VWC2L: variants seen among roughly 807,000 people sequenced by gnomAD.
VWC2L encodes von Willebrand factor C domain containing 2 like.
A neutral mutation model predicts 21.6 loss-of-function variants in VWC2L; 10 were observed. The ratio of observed to expected loss-of-function variants is 0.46; its 90% confidence interval spans 0.29 to 0.78. The LOEUF is 0.78. VWC2L is among the 30% of genes least tolerant of loss of function. The pLI is 0.10. For synonymous variants in VWC2L, 96 were observed against 94.3 expected, an observed-to-expected ratio of 1.02 and a Z score of -0.10; for missense variants, 209 against 277.1, an observed-to-expected ratio of 0.75 and a Z score of 1.74.
At chr2:214,503,576 T>A (rs753651170) in intron 3 of VWC2L, among the ~76,000 whole-genome samples, 1 of 152,186 alleles carries the variant, frequency 6.6e-6, no homozygotes, top group Non-Finnish European at 1.5e-5. Context: ...TTTCCGGGGA[T>A]ACTTTTTTGT....
rs190790626 is a variant in VWC2L at position 214,499,664 on chromosome 2, A to T, written c.520+62906A>T. ...CTTAAAGTATGATTTAAAAAATTTT[A>T]AAAAAAGAAGTTTAACAGTCTATTT... On this transcript the variant is annotated intron_variant, in intron 3 of 3. Transcript: ENST00000312504. Among the ~76,000 whole-genome samples, 31 of 152,336 alleles carry T rather than the reference A, an allele frequency of 2.0e-4. No individual in the cohort carries two copies. The East Asian group carries it at 4.6e-3, about 23-fold the overall frequency.
intron 3 of VWC2L, among the ~76,000 whole-genome samples, chr2:214,444,404 A>T (rs1448027158): frequency 6.6e-6 from 1 of 152,046 alleles, no homozygotes; most frequent in Non-Finnish European, 1.5e-5. Flanking sequence ...CATATTTTAC[A>T]AAAGCCACAA....
At chr2:214,504,920 A>T (rs1688946686) in intron 3 of VWC2L, among the ~76,000 whole-genome samples, 2 of 152,204 alleles carry the variant, frequency 1.3e-5, no homozygotes, top group African/African-American at 2.4e-5. Context: ...CCAGCACATC[A>T]TTTAGTTCAT....
intron 3 of VWC2L, chr2:214,525,045 A>T (rs1344290641): frequency 1.9e-3 from 4 of 2,154 alleles, no homozygotes; most frequent in South Asian, 0.022. Flanking sequence ...TCTCTGCCTC[A>T]CACACACACA....
chr2:214,460,544 C>T (rs1703124769), intron 3 of VWC2L, among the ~76,000 whole-genome samples: 1 of 151,846 alleles, frequency 6.6e-6, no homozygotes, highest in African/African-American at 2.4e-5. Context: ...TTTTTTTCTG[C>T]TTGATCTAGC....
At chr2:214,506,602 T>C (rs939508006) in intron 3 of VWC2L, among the ~76,000 whole-genome samples, 8 of 152,300 alleles carry the variant, frequency 5.3e-5, no homozygotes, top group Non-Finnish European at 1.2e-4. Context: ...TATATAAATT[T>C]ACTTCTCAAT....
At chr2:214,434,578 T>C (rs956834597) in intron 2 of VWC2L, among the ~76,000 whole-genome samples, 5 of 152,140 alleles carry the variant, frequency 3.3e-5, no homozygotes, top group Admixed American at 1.3e-4. Flanking sequence ...CTTACTACCA[T>C]AGGCCCTGGG....
At chr2:214,416,976 T>C (rs1471037439) in intron 2 of VWC2L, among the ~76,000 whole-genome samples, 1 of 152,122 alleles carries the variant, frequency 6.6e-6, no homozygotes, top group Non-Finnish European at 1.5e-5. Flanking sequence ...ATAATGAAAG[T>C]TCAACTTTAA....
intron 3 of VWC2L, among the ~76,000 whole-genome samples, chr2:214,539,413 G>GT (rs1396630543): frequency 2.6e-5 from 4 of 152,104 alleles, no homozygotes; most frequent in African/African-American, 9.7e-5. Flanking sequence ...TTGACTGTCA[G>GT]TATAGTTATC....
intron 3 of VWC2L, among the ~76,000 whole-genome samples, chr2:214,506,880 G>T (rs1363075803): frequency 6.6e-6 from 1 of 151,882 alleles, no homozygotes. Context: ...ATTTTTAAAA[G>T]TCTGTGTCTA....
At chr2:214,488,547 G>A (rs542839816) in intron 3 of VWC2L, among the ~76,000 whole-genome samples, 10 of 152,202 alleles carry the variant, frequency 6.6e-5, no homozygotes, top group South Asian at 2.1e-4. Context: ...TGCATGAGCC[G>A]TGTTCACACC....
At position 214,486,912 on chromosome 2, in the gene VWC2L, A is replaced by G. The variant is rs77506471; in HGVS notation, c.520+50154A>G. Among the ~76,000 whole-genome samples the G allele has an allele frequency of 5.0e-3, 763 of 152,322 alleles. 4 individuals are homozygous for G. The highest frequency in any genetic ancestry group is 6.3e-3 in the Non-Finnish European group (428 of 68,024). ...TAAATTGTGACCTCCCAAAATTCCT[A>G]TGTTGACGTTCTCATTCCCAGCATC... On this transcript the variant is annotated intron_variant, in intron 3 of 3. Coordinates refer to ENST00000312504, the MANE Select transcript of VWC2L (RefSeq NM_001080500.4).
At chr2:214,544,514 T>C (rs1279716193) in intron 3 of VWC2L, among the ~76,000 whole-genome samples, 5 of 152,124 alleles carry the variant, frequency 3.3e-5, no homozygotes, top group African/African-American at 9.7e-5. Context: ...TCCCAGAACA[T>C]TGTAGCCTAA....
At chr2:214,489,502 A>G (rs1453038274) in intron 3 of VWC2L, among the ~76,000 whole-genome samples, 2 of 152,162 alleles carry the variant, frequency 1.3e-5, no homozygotes, top group African/African-American at 4.8e-5. Context: ...AGAGATTTTA[A>G]ATATGTTAAA....
intron 3 of VWC2L, among the ~76,000 whole-genome samples, chr2:214,508,429 A>T (rs1689001273): frequency 6.6e-6 from 1 of 152,066 alleles, no homozygotes; most frequent in Admixed American, 6.5e-5. Context: ...TGCCATTTCT[A>T]CTTTTTATTG....
chr2:214,466,050 C>T (rs73072790), intron 3 of VWC2L, among the ~76,000 whole-genome samples: 24,851 of 152,038 alleles, frequency 0.16, 2,510 homozygotes, highest in African/African-American at 0.27. Flanking sequence ...TTTCCTACCT[C>T]TTCAGTGTCT....
intron 3 of VWC2L, among the ~76,000 whole-genome samples, chr2:214,564,802 T>C (rs1048139058): frequency 3.9e-5 from 6 of 152,184 alleles, no homozygotes; most frequent in Non-Finnish European, 8.8e-5. Flanking sequence ...ACCAAATATA[T>C]GTCATGATGC....
intron 3 of VWC2L, among the ~76,000 whole-genome samples, chr2:214,465,540 C>T (rs1275003436): frequency 6.6e-6 from 1 of 152,188 alleles, no homozygotes; most frequent in African/African-American, 2.4e-5. Context: ...TCTCCCTTCT[C>T]CTCTAGTTGA....
intron 3 of VWC2L, among the ~76,000 whole-genome samples, chr2:214,457,789 C>CCAT (rs1425129355): frequency 6.6e-6 from 1 of 152,042 alleles, no homozygotes; most frequent in African/African-American, 2.4e-5. Context: ...TTATGCTGAT[C>CCAT]CATCCCTATA....
Sources: gnomAD v4.1 joint callset for allele counts (sites outside exome capture counted in the v4.1 genomes callset) on GRCh38, gnomAD v4.1.1 for gene constraint, MANE v1.5 for transcripts, NCBI Gene and HGNC (gene_info 2026-07-23, HGNC 2026-07-21) for gene names.